Variants in TCP11L2 observed in about 807,000 individuals in gnomAD.
TCP11L2 encodes T-complex protein 11-like protein 2.
Under a neutral mutation model 50.7 loss-of-function variants are expected in TCP11L2, and 39 were observed. That is an observed-to-expected ratio of 0.77 (90% CI 0.60 to 1.01). TCP11L2 has a LOEUF of 1.01. TCP11L2 is among the 50% of genes least tolerant of loss of function. The probability of loss-of-function intolerance (pLI) is 0.00; values close to 1 mark genes in which losing one functional copy is unlikely to be tolerated. For synonymous variants in TCP11L2, 192 were observed against 219.3 expected (o/e 0.88, Z 1.10); for missense variants, 612 against 614.7 (o/e 1.00, Z 0.05).
At chr12:106,334,833 C>G (rs922321419) in intron 6 of TCP11L2, among the ~76,000 whole-genome samples, 1 of 151,948 alleles carries the variant, frequency 6.6e-6, no homozygotes, top group African/African-American at 2.4e-5. Context: ...CCCAGCTACT[C>G]AGGAGGCTGA....
chr12:106,311,997 A>AT (rs2034868875), intron 2 of TCP11L2, among the ~76,000 whole-genome samples: 1 of 152,228 alleles, frequency 6.6e-6, no homozygotes, highest in Non-Finnish European at 1.5e-5. Context: ...AACTTAGAAG[A>AT]TACATAAGAA....
intron 9 of TCP11L2, among the ~76,000 whole-genome samples, chr12:106,343,054 A>G (rs2036134799): frequency 6.6e-6 from 1 of 152,202 alleles, no homozygotes; most frequent in African/African-American, 2.4e-5. Flanking sequence ...TTGCCCTAGC[A>G]ACTTAAGTGA....
intron 2 of TCP11L2, among the ~76,000 whole-genome samples, chr12:106,312,841 C>T (rs954598841): frequency 6.6e-6 from 1 of 151,954 alleles, no homozygotes; most frequent in African/African-American, 2.4e-5. Flanking sequence ...AAGATTGCAC[C>T]ACTGCACTCC....
intron 6 of TCP11L2, among the ~76,000 whole-genome samples, chr12:106,332,323 A>G (rs967826866): frequency 6.6e-6 from 1 of 152,230 alleles, no homozygotes; most frequent in Non-Finnish European, 1.5e-5. Flanking sequence ...AAGAATTGTA[A>G]ACTTACATTC....
In TCP11L2 at chr12:106,340,861, G is replaced by T. The variant is rs780982533; in HGVS notation, c.1178G>T (p.Gly393Val). The T allele has an allele frequency of 8.1e-6, 13 of 1,609,460 alleles. No homozygotes were observed. In the Admixed American group the frequency reaches 2.2e-4, roughly 27 times the overall value. The change falls in exon 9 of 10, where the codon GGT (glycine) becomes GTT (valine). Residue 393 changes from glycine (G) to valine (V), a missense_variant. Transcript: ENST00000299045. ...FNLKEVLNSI[G>V]IQTCVEVNKT... ...TTGAAGGAAGTCCTGAATTCTATTG[G>T]TATTCAGACTTGTGTTGAGGTTAAC...
At chr12:106,332,176 A>C (rs567057435) in intron 6 of TCP11L2, among the ~76,000 whole-genome samples, 1 of 152,364 alleles carries the variant, frequency 6.6e-6, no homozygotes, top group South Asian at 2.1e-4. Context: ...CACAGCCATT[A>C]CTAAAAATTA....
intron 9 of TCP11L2, among the ~76,000 whole-genome samples, chr12:106,342,586 A>T (rs971347727): frequency 6.6e-6 from 1 of 152,244 alleles, no homozygotes; most frequent in Admixed American, 6.5e-5. Context: ...TGCAGGCCTC[A>T]TGAGGACAGC....
At position 106,321,570 on chromosome 12, in the gene TCP11L2, C is replaced by CA. The variant is rs1407849144; in HGVS notation, c.500dup (p.Ala168GlyfsTer2). 1.2e-6 allele frequency: 2 copies of CA among 1,614,238 alleles called. No homozygotes were observed. The highest frequency in any genetic ancestry group is 1.7e-6 in the Non-Finnish European group (2 of 1,180,042). On this transcript the variant is annotated frameshift_variant, in exon 5 of 10. Coordinates refer to ENST00000299045, the MANE Select transcript of TCP11L2 (RefSeq NM_152772.3). LOFTEE classifies it high-confidence loss of function. ...TTTGGACACAGACCTCATTAGGCAG[C>CA]AGGCTGAGCACAGTGCTGTTGACAT...
Position 106,311,101 on chromosome 12 carries a change from G to A in TCP11L2, c.26G>A (p.Cys9Tyr), listed in dbSNP as rs778598378. 5.0e-6 allele frequency: 8 copies of A among 1,614,212 alleles called. No homozygotes were observed. The South Asian group carries it at 8.8e-5, about 18-fold the overall frequency. ...ATGCCCTTCAATGGCGAGAAGCAGT[G>A]TGTGGGAGAGGACCAGCCAAGCGAT... MPFNGEKQ[C>Y]VGEDQPSDSD... Residue 9 changes from cysteine to tyrosine, a missense_variant, in exon 2 of 10, where the codon TGT becomes TAT. By Grantham distance (194) the Cys-to-Tyr change is radical. Coordinates refer to ENST00000299045, the MANE Select transcript of TCP11L2 (RefSeq NM_152772.3).
intron 6 of TCP11L2, 76 bp from the exon 7 acceptor site, chr12:106,335,563 A>T (rs1305567174): frequency 6.8e-7 from 1 of 1,471,742 alleles, no homozygotes; most frequent in Non-Finnish European, 9.3e-7. Flanking sequence ...CACCCAACAC[A>T]GCATCTGTCA....
chr12:106,314,613 G>T, intron 3 of TCP11L2, 120 bp downstream of exon 3: 1 of 860,042 alleles, frequency 1.2e-6, no homozygotes, highest in Non-Finnish European at 1.7e-6. Flanking sequence ...CAGAGAGAGA[G>T]ATAGACACAT....
intron 1 of TCP11L2, among the ~76,000 whole-genome samples, chr12:106,308,015 G>A (rs1438198230): frequency 6.6e-6 from 1 of 152,162 alleles, no homozygotes; most frequent in Non-Finnish European, 1.5e-5. Context: ...TTCAAATACA[G>A]GTTTCTGTTT....
chr12:106,321,830 AC>A lies in TCP11L2; in HGVS notation c.635+126del. The A allele has an allele frequency of 4.0e-6, 3 of 746,350 alleles. No individual in the cohort carries two copies. In the Admixed American group the frequency reaches 7.3e-5, roughly 18 times the overall value. 46.2% of individuals were successfully genotyped at this position (746,350 alleles called of 1,614,324 possible). On this transcript the variant is annotated intron_variant, in intron 5 of 9. Coordinates refer to ENST00000299045, the MANE Select transcript of TCP11L2 (RefSeq NM_152772.3). ...AATAAATTACTGACCCTAGAAGAAAACCATATAAGCAGAGACCATGTCAATT... is the reference window on the plus strand; with the variant it reads ...AATAAATTACTGACCCTAGAAGAAAACATATAAGCAGAGACCATGTCAATT...
upstream of TCP11L2, among the ~76,000 whole-genome samples, chr12:106,300,887 T>G (rs188686871): frequency 1.7e-4 from 26 of 152,302 alleles, no homozygotes; most frequent in East Asian, 3.9e-3. Context: ...GTCACTCCAG[T>G]ATAAAGGACA....
chr12:106,321,689 C>G lies in TCP11L2; in HGVS notation c.618C>G (p.Asn206Lys). 1 of 1,614,132 alleles carries G rather than the reference C, an allele frequency of 6.2e-7. No individual in the cohort carries two copies. The highest frequency in any genetic ancestry group is 8.5e-7 in the Non-Finnish European group (1 of 1,180,002). The change falls in exon 5 of 10, where the codon AAC (asparagine) becomes AAG (lysine). Residue 206 changes from asparagine (N) to lysine (K), a missense_variant. Asn to Lys is a moderately conservative substitution (Grantham distance 94). Coordinates refer to ENST00000299045, the MANE Select transcript of TCP11L2 (RefSeq NM_152772.3). The stretch of plus-strand genomic sequence containing the variant: ...TCAGAGAGTTAAAGGCTACTGGCAA[C>G]ATCGTGGAGGTGCTGAGGTTAGCAC... ...NDIRELKATG[N>K]IVEVLRQIFH...
chr12:106,312,238 C>A, intron 2 of TCP11L2: 1 of 414,652 alleles, frequency 2.4e-6, no homozygotes, highest in South Asian at 1.8e-5. Context: ...ATTGATTAAT[C>A]ACTGGACATT....
At chr12:106,331,727 C>T (rs946586914) in intron 6 of TCP11L2, among the ~76,000 whole-genome samples, 10 of 152,298 alleles carry the variant, frequency 6.6e-5, no homozygotes, top group South Asian at 2.1e-4. Flanking sequence ...AAGGCCAGAC[C>T]GAAGTTGAGA....
chr12:106,325,215 A>G (rs1377581626), intron 6 of TCP11L2: 1 of 152,176 alleles, frequency 6.6e-6, no homozygotes, highest in African/African-American at 2.4e-5. Context: ...ATAGGAGCTC[A>G]CCTAGGAAGG....
intron 3 of TCP11L2, among the ~76,000 whole-genome samples, chr12:106,314,723 G>A (rs1028946783): frequency 3.3e-5 from 5 of 151,882 alleles, no homozygotes; most frequent in Admixed American, 2.6e-4. Context: ...ATTCTCGCTG[G>A]GTGTGATAGC....
Sources: allele counts gnomAD v4.1 joint callset (sites outside exome capture counted in the v4.1 genomes callset), GRCh38; gene constraint gnomAD v4.1.1; transcripts MANE v1.5; gene names NCBI Gene and HGNC (gene_info 2026-07-23, HGNC 2026-07-21).